PGGT1B: variants seen among roughly 807,000 people sequenced by gnomAD.
PGGT1B encodes geranylgeranyl transferase type-1 subunit beta.
A neutral mutation model predicts 46.1 loss-of-function variants in PGGT1B; 30 were observed. The observed-to-expected ratio is 0.65, with a 90% confidence interval of 0.49 to 0.88. The LOEUF (loss-of-function observed/expected upper bound fraction) is 0.88. Among genes scored for constraint, PGGT1B ranks in the 40% least tolerant of loss-of-function variants. The pLI is 0.00. For synonymous variants in PGGT1B, 170 were observed against 160.0 expected (o/e 1.06, Z -0.47); for missense variants, 376 against 455.9 (o/e 0.82, Z 1.60).
chr5:115,214,627 T>A (rs928463252), intron 8 of PGGT1B, among the ~76,000 whole-genome samples: 1 of 152,228 alleles, frequency 6.6e-6, no homozygotes, highest in Non-Finnish European at 1.5e-5. Context: ...AACATTGTAA[T>A]GTATCTGTAA....
intron 8 of PGGT1B, among the ~76,000 whole-genome samples, chr5:115,213,144 T>C (rs968565576): frequency 6.6e-6 from 1 of 152,204 alleles, no homozygotes; most frequent in Non-Finnish European, 1.5e-5. Flanking sequence ...CCATATTTAA[T>C]CCTCCTATTT....
intron 6 of PGGT1B, among the ~76,000 whole-genome samples, chr5:115,230,728 C>G (rs1234658057): frequency 6.6e-6 from 1 of 152,044 alleles, no homozygotes; most frequent in African/African-American, 2.4e-5. Flanking sequence ...ATGCAGATAA[C>G]ACTTGAATAG....
chr5:115,261,720 C>A (rs148673273), intron 1 of PGGT1B, among the ~76,000 whole-genome samples: 5 of 152,280 alleles, frequency 3.3e-5, no homozygotes, highest in Admixed American at 3.3e-4. Flanking sequence ...GTGAGGTGGT[C>A]ATTGGAAGTG....
intron 2 of PGGT1B, among the ~76,000 whole-genome samples, chr5:115,243,304 C>G (rs1757406231): frequency 1.3e-5 from 2 of 151,968 alleles, no homozygotes. Flanking sequence ...CTAGAAGCAC[C>G]ATAAAAGTCC....
At chr5:115,245,587 GC>G (rs1271212583) in intron 2 of PGGT1B, among the ~76,000 whole-genome samples, 2 of 152,160 alleles carry the variant, frequency 1.3e-5, no homozygotes, top group African/African-American at 4.8e-5. Flanking sequence ...ATTGTACTTA[GC>G]AAAGTGAAAC....
chr5:115,262,508 A>C, intron 1 of PGGT1B: 1 of 572,574 alleles, frequency 1.7e-6, no homozygotes, highest in Non-Finnish European at 3.1e-6. Context: ...TGGAGATGCC[A>C]CAGCCCTCGA....
intron 1 of PGGT1B, among the ~76,000 whole-genome samples, chr5:115,258,769 T>C (rs1748428659): frequency 6.6e-6 from 1 of 152,200 alleles, no homozygotes; most frequent in South Asian, 2.1e-4. Context: ...CCTCAGAATA[T>C]CACAATCATT....
At chr5:115,230,494 G>T (rs1756943259) in intron 6 of PGGT1B, among the ~76,000 whole-genome samples, 1 of 152,092 alleles carries the variant, frequency 6.6e-6, no homozygotes, top group African/African-American at 2.4e-5. Context: ...AAACATGAAA[G>T]AAAAGACTGT....
In PGGT1B at chr5:115,208,801, CCTA is replaced by C. The variant is rs770116050; in HGVS notation, c.*3598_*3600del. Reference sequence around the variant, plus strand: ...GGTACTTGGTTAATTTTCCCCTTTTCCTACTTTTATTGATAACTGTACTAATTA... The same window carrying C: ...GGTACTTGGTTAATTTTCCCCTTTTCCTTTTATTGATAACTGTACTAATTA... On this transcript the variant is annotated 3_prime_UTR_variant, in exon 9 of 9. Transcript: ENST00000419445. The C allele has an allele frequency of 1.3e-5, 2 of 151,920 alleles. No homozygotes were observed. Among genetic ancestry groups the C allele is most frequent in the Non-Finnish European group, 2.9e-5 (2 of 67,946 alleles). The allele number at this position is 151,920 out of a possible 1,614,324, so 9.4% of individuals were successfully genotyped here.
chr5:115,216,016 G>A (rs1393279231), intron 8 of PGGT1B, among the ~76,000 whole-genome samples: 2 of 152,144 alleles, frequency 1.3e-5, no homozygotes, highest in East Asian at 1.9e-4. Context: ...GGTGGGAGAG[G>A]AGCCAAATTT....
intron 5 of PGGT1B, 71 bp from the exon 6 acceptor site, chr5:115,231,092 A>G (rs1380214332): frequency 2.8e-5 from 22 of 790,956 alleles, no homozygotes; most frequent in Admixed American, 5.9e-5. Context: ...ATAAGTTGCC[A>G]ATGAACTAAG....
intron 5 of PGGT1B, among the ~76,000 whole-genome samples, chr5:115,236,029 C>G (rs1304220685): frequency 1.3e-5 from 2 of 152,074 alleles, no homozygotes; most frequent in African/African-American, 4.8e-5. Flanking sequence ...GAGAAATAGT[C>G]TCACCAAAGA....
In PGGT1B at chr5:115,204,831, T is replaced by C. The variant is rs569326000; in HGVS notation, c.*7571A>G. The C allele has an allele frequency of 1.5e-3, 225 of 152,314 alleles. 2 individuals carry two copies. Among genetic ancestry groups the C allele is most frequent in the African/African-American group, 5.0e-3 (206 of 41,572 alleles). 9.4% of individuals were successfully genotyped at this position (152,314 alleles called of 1,614,324 possible). ...TAAGTAACCTAAGTTTCTCTTAATA[T>C]GATAAATATTAAAATATATCCAGTC... On this transcript the variant is annotated 3_prime_UTR_variant, in exon 9 of 9. Transcript: ENST00000419445.
intron 4 of PGGT1B, 94 bp downstream of exon 4, chr5:115,237,764 G>A: frequency 9.7e-7 from 1 of 1,025,698 alleles, no homozygotes; most frequent in Non-Finnish European, 1.4e-6. Flanking sequence ...AATAGAGTAT[G>A]ATCCTCTAAA....
At chr5:115,262,105 T>A (rs1021704851) in intron 1 of PGGT1B, among the ~76,000 whole-genome samples, 59 of 152,232 alleles carry the variant, frequency 3.9e-4, no homozygotes, top group African/African-American at 1.4e-3. Flanking sequence ...TTCTCCTTTC[T>A]TTCTTCTCAT....
intron 1 of PGGT1B, among the ~76,000 whole-genome samples, chr5:115,260,994 TAA>T: frequency 6.6e-6 from 1 of 152,334 alleles, no homozygotes; most frequent in South Asian, 2.1e-4. Context: ...TTCAACTGTT[TAA>T]CAATCACAAT....
Position 115,205,730 on chromosome 5 carries a change from T to A in PGGT1B, c.*6672A>T, listed in dbSNP as rs779928439. ...ACCCATTTTCTGATCATATTTAAAA[T>A]CTTAGTGTCAAGATAAAAGTGTGCA... On this transcript the variant is annotated 3_prime_UTR_variant, in exon 9 of 9. Transcript: ENST00000419445. The A allele has an allele frequency of 6.6e-6, 1 of 152,054 alleles. No homozygotes were observed. Among genetic ancestry groups the A allele is most frequent in the Non-Finnish European group, 1.5e-5 (1 of 67,932 alleles). The allele number at this position is 152,054 out of a possible 1,614,324, so 9.4% of individuals were successfully genotyped here. A position where few individuals can be genotyped will look rare whatever the true frequency, so the allele number is the denominator to read the frequency against.
chr5:115,241,795 A>G (rs537934200), intron 2 of PGGT1B, among the ~76,000 whole-genome samples, 189 bp from the exon 3 acceptor site: 1 of 152,306 alleles, frequency 6.6e-6, no homozygotes, highest in South Asian at 2.1e-4. Flanking sequence ...TTTAATTTCC[A>G]TATGAGTCAC....
intron 2 of PGGT1B, among the ~76,000 whole-genome samples, chr5:115,251,959 T>C (rs1246926193): frequency 1.3e-5 from 2 of 152,050 alleles, no homozygotes; most frequent in Non-Finnish European, 2.9e-5. Flanking sequence ...AAAACAACAA[T>C]TGACATGTAT....
Sources: allele counts gnomAD v4.1 joint callset (sites outside exome capture counted in the v4.1 genomes callset), GRCh38; gene constraint gnomAD v4.1.1; transcripts MANE v1.5; gene names NCBI Gene and HGNC (gene_info 2026-07-23, HGNC 2026-07-21).